Variants in IRS2 observed in about 807,000 individuals in gnomAD.
The protein encoded by IRS2 is insulin receptor substrate 2.
A neutral mutation model predicts 70.9 loss-of-function variants in IRS2; 28 were observed. The observed-to-expected ratio is 0.39, with a 90% CI of 0.29 to 0.54. The LOEUF is 0.54. Ranked by LOEUF, IRS2 falls within the 20% of genes least tolerant of loss-of-function variation. The pLI, the probability that IRS2 is intolerant of heterozygous loss-of-function variation, is 0.59. For synonymous variants in IRS2, 1,217 were observed against 981.9 expected (o/e 1.24, Z -4.48); for missense variants, 2,081 against 2,024.1 (o/e 1.03, Z -0.54).
intron 1 of IRS2, among the ~76,000 whole-genome samples, chr13:109,768,536 A>AT (rs922089525): frequency 1.6e-4 from 24 of 152,304 alleles, no homozygotes; most frequent in Admixed American, 1.3e-3. Flanking sequence ...TTTTCTGCAC[A>AT]TTTTTTCTAA....
intron 1 of IRS2, among the ~76,000 whole-genome samples, chr13:109,781,249 G>C (rs779488734): frequency 1.3e-5 from 2 of 152,124 alleles, no homozygotes; most frequent in African/African-American, 2.4e-5. Context: ...CAGCAGCATC[G>C]GCATTATGCG....
In IRS2 at chr13:109,785,730, C is replaced by G; in HGVS notation, c.324G>C (p.Lys108Asn). Residue 108 changes from lysine (K) to asparagine (N), a missense_variant, in exon 1 of 2, where the codon AAG (lysine) becomes AAC (asparagine). Coordinates refer to ENST00000375856, the MANE Select transcript of IRS2 (RefSeq NM_003749.3). This position sits in a 1 kb window ranked among gnomAD's most constrained non-coding sequence, Gnocchi z 9.3. ...CLNINKRADA[K>N]HKYLIALYTK... ...TGTAGAGGGCGATCAGGTACTTGTG[C>G]TTGGCGTCGGCGCGCTTGTTGATGT... The G allele has an allele frequency of 6.3e-7, 1 of 1,599,126 alleles. No individual in the cohort carries two copies.
rs1594389027 is a variant in IRS2 at position 109,782,301 on chromosome 13, G to A, written c.3753C>T (p.Leu1251=). The A allele has an allele frequency of 6.2e-7, 1 of 1,611,628 alleles. No homozygotes were observed. Among genetic ancestry groups the A allele is most frequent in the Non-Finnish European group, 8.5e-7 (1 of 1,179,408 alleles). ...CCCTCACGTCGATGGCGATGTAGTT[G>A]AGACCATTCTGGAAGCCGGCAGAGG... is the stretch of plus-strand genomic sequence containing the variant. The part of the protein sequence containing the change: ...RETSAGFQNG[L]NYIAIDVREE... The change falls in exon 1 of 2, where the codon CTC becomes CTT. Residue 1251 remains leucine, a synonymous_variant. Transcript: ENST00000375856.
intron 1 of IRS2, among the ~76,000 whole-genome samples, chr13:109,761,079 C>T (rs912303905): frequency 6.6e-6 from 1 of 152,216 alleles, no homozygotes; most frequent in East Asian, 1.9e-4. Flanking sequence ...TCCAATGTTA[C>T]ATTTCGATGT....
Position 109,754,401 on chromosome 13 carries a change from T to C in IRS2, c.*1903A>G, listed in dbSNP as rs1594376549. The C allele has an allele frequency of 3.3e-5, 7 of 210,126 alleles. No individual in the cohort carries two copies. The East Asian group carries it at 5.1e-4, about 15-fold the overall frequency. 13.0% of individuals were successfully genotyped at this position (210,126 alleles called of 1,614,324 possible). On this transcript the variant is annotated 3_prime_UTR_variant, in exon 2 of 2. Coordinates refer to ENST00000375856, the MANE Select transcript of IRS2 (RefSeq NM_003749.3). ...CTCTACGGATAGAGGGCGAGTTAAA[T>C]ATGCGTCAATACACTGCTTTCAGCA...
Position 109,783,250 on chromosome 13 carries a change from G to C in IRS2, c.2804C>G (p.Ala935Gly). The C allele has an allele frequency of 5.4e-6, 8 of 1,476,480 alleles. No individual in the cohort carries two copies. Among genetic ancestry groups the C allele is most frequent in the Non-Finnish European group, 7.2e-6 (8 of 1,118,542 alleles). 91.5% of individuals were successfully genotyped at this position (1,476,480 alleles called of 1,614,324 possible). A position where few individuals can be genotyped will look rare whatever the true frequency, so the allele number is the denominator to read the frequency against. Residue 935 changes from alanine (A) to glycine (G), a missense_variant, in exon 1 of 2, where the codon GCG (alanine) becomes GGG (glycine). By Grantham distance (60) the Ala-to-Gly change is moderately conservative (BLOSUM62 0). Coordinates refer to ENST00000375856, the MANE Select transcript of IRS2 (RefSeq NM_003749.3). Reference protein sequence around the residue: ...GEPGARLSPPAPPLLASAASS... With the variant: ...GEPGARLSPPGPPLLASAASS... ...GGCCGCCGACGCCAGCAGGGGAGGC[G>C]CGGGCGGCGACAGGCGGGCCCCGGG...
At position 109,785,070 on chromosome 13, in the gene IRS2, C is replaced by T. The variant is rs766950014; in HGVS notation, c.984G>A (p.Leu328=). The change falls in exon 1 of 2, where the codon CTG becomes CTA. Residue 328 remains leucine (L), a synonymous_variant. Coordinates refer to ENST00000375856, the MANE Select transcript of IRS2 (RefSeq NM_003749.3). This position sits in a 1 kb window ranked among gnomAD's most constrained non-coding sequence, Gnocchi z 9.3. ...SVPGARRHHH[L]VNLPPSQTGL... Reference sequence around the variant, plus strand: ...CCGTCTGGCTGGGGGGCAGGTTGACCAGGTGGTGGTGGCGGCGCGCGCCGG... The same window carrying T: ...CCGTCTGGCTGGGGGGCAGGTTGACTAGGTGGTGGTGGCGGCGCGCGCCGG... 13 of 1,572,594 alleles carry T rather than the reference C, an allele frequency of 8.3e-6. No individual in the cohort carries two copies. In the Admixed American group the frequency reaches 1.6e-4, roughly 20 times the overall value.
At chr13:109,761,517 C>T (rs1019475547) in intron 1 of IRS2, among the ~76,000 whole-genome samples, 1 of 148,752 alleles carries the variant, frequency 6.7e-6, no homozygotes, top group Non-Finnish European at 1.5e-5. Context: ...GTTGCAGGAG[C>T]AATTCTGAGA....
chr13:109,783,189 G>A lies in IRS2; in HGVS notation c.2865C>T (p.Ala955=), dbSNP rs1374945662. Reference sequence around the variant, plus strand: ...CCGGGGTGCCTGAGCCCAGCGACGAGGCCGGGCTGCTGGCGGACAAGAGCG... The same window carrying A: ...CCGGGGTGCCTGAGCCCAGCGACGAAGCCGGGCTGCTGGCGGACAAGAGCG... ...SSSLLSASSP[A]SSLGSGTPGT... Residue 955 remains alanine, a synonymous_variant, in exon 1 of 2, where the codon GCC becomes GCT. Transcript: ENST00000375856. The A allele has an allele frequency of 1.3e-5, 18 of 1,395,180 alleles. No individual in the cohort carries two copies. Among genetic ancestry groups the A allele is most frequent in the African/African-American group, 1.5e-5 (1 of 65,802 alleles). 86.4% of individuals were successfully genotyped at this position (1,395,180 alleles called of 1,614,324 possible). A position where few individuals can be genotyped will look rare whatever the true frequency, so the allele number is the denominator to read the frequency against.
intron 1 of IRS2, among the ~76,000 whole-genome samples, chr13:109,758,912 AAG>A (rs1877166791): frequency 1.3e-5 from 2 of 151,280 alleles, no homozygotes; most frequent in African/African-American, 4.9e-5. Context: ...AGGGGAAGGA[AAG>A]AAAAAAAAAG....
chr13:109,757,081 C>T (rs920507233), intron 1 of IRS2, among the ~76,000 whole-genome samples: 14 of 152,212 alleles, frequency 9.2e-5, no homozygotes, highest in African/African-American at 2.9e-4. Context: ...TTCCTCCCTT[C>T]CAGGATGAAG....
Position 109,782,600 on chromosome 13 carries a change from A to T in IRS2, c.3454T>A (p.Phe1152Ile). The T allele has an allele frequency of 1.3e-6, 2 of 1,578,320 alleles. No homozygotes were observed. Among genetic ancestry groups the T allele is most frequent in the Non-Finnish European group, 8.6e-7 (1 of 1,163,374 alleles). ...GGRRRHSSETFSSTTTVTPVS... is the reference protein window; with the variant it reads ...GGRRRHSSETISSTTTVTPVS... Reference sequence around the variant, plus strand: ...GGGGTGACCGTCGTGGTGGAGGAGAAGGTCTCGGAACTGTGGCGGCGGCGG... The same window carrying T: ...GGGGTGACCGTCGTGGTGGAGGAGATGGTCTCGGAACTGTGGCGGCGGCGG... Residue 1152 changes from phenylalanine (F) to isoleucine (I), a missense_variant, in exon 1 of 2, where the codon TTC becomes ATC. This residue lies in a region of IRS2 where 1,615 missense variants were observed against 1,459.5 expected (regional missense o/e 1.11). Coordinates refer to ENST00000375856, the MANE Select transcript of IRS2 (RefSeq NM_003749.3).
intron 1 of IRS2, among the ~76,000 whole-genome samples, chr13:109,778,026 A>T (rs1023237805): frequency 1.3e-5 from 2 of 152,220 alleles, no homozygotes; most frequent in Non-Finnish European, 2.9e-5. Context: ...TCAATTTAAG[A>T]GCACCCATTT....
rs375162215 is a variant in IRS2, at chr13:109,785,157, C to G, written c.897G>C (p.Glu299Asp). 2.0e-4 allele frequency: 322 copies of G among 1,599,546 alleles called. No homozygotes were observed. The highest frequency in any genetic ancestry group is 2.7e-4 in the Non-Finnish European group (314 of 1,174,022). Reference sequence around the variant, plus strand: ...ATTGGCTCTTACTGCGCGGCCGGAACTCGAAGAGCTCCTTGAGCGCCTTCA... The same window carrying G: ...ATTGGCTCTTACTGCGCGGCCGGAAGTCGAAGAGCTCCTTGAGCGCCTTCA... ...EAMKALKELF[E>D]FRPRSKSQSS... The change falls in exon 1 of 2, where the codon GAG (glutamate) becomes GAC (aspartate). Residue 299 changes from glutamate to aspartate, a missense_variant. Transcript: ENST00000375856. This position sits in a 1 kb window ranked among gnomAD's most constrained non-coding sequence, Gnocchi z 9.3.
intron 1 of IRS2, among the ~76,000 whole-genome samples, chr13:109,759,007 A>AAAGGAC (rs1169692319): frequency 6.6e-6 from 1 of 152,154 alleles, no homozygotes; most frequent in Non-Finnish European, 1.5e-5. Flanking sequence ...TGGCACACTC[A>AAAGGAC]AAGGACACAA....
At chr13:109,768,369 C>T (rs1224201069) in intron 1 of IRS2, among the ~76,000 whole-genome samples, 5 of 152,220 alleles carry the variant, frequency 3.3e-5, no homozygotes, top group African/African-American at 4.8e-5. Context: ...ATGCACTTTC[C>T]TCACCAGCAG....
At position 109,783,127 on chromosome 13, in the gene IRS2, G is replaced by A. The variant is rs759366944; in HGVS notation, c.2927C>T (p.Ser976Phe). The change falls in exon 1 of 2, where the codon TCC (serine) becomes TTC (phenylalanine). Residue 976 changes from serine (S) to phenylalanine (F), a missense_variant. Transcript: ENST00000375856. ...SSDSRQRSPLSDYMNLDFSSP... is the reference protein window; with the variant it reads ...SSDSRQRSPLFDYMNLDFSSP... ...GCTGAAGTCGAGGTTCATGTAGTCG[G>A]AGAGCGGAGACCGCTGCCGGCTGTC... is the stretch of plus-strand genomic sequence containing the variant. 2 of 1,387,904 alleles carry A rather than the reference G, an allele frequency of 1.4e-6. No homozygotes were observed. The highest frequency in any genetic ancestry group is 1.9e-6 in the Non-Finnish European group (2 of 1,077,880). 86.0% of individuals were successfully genotyped at this position (1,387,904 alleles called of 1,614,324 possible). A position where few individuals can be genotyped will look rare whatever the true frequency, so the allele number is the denominator to read the frequency against.
At chr13:109,772,574 G>T (rs909139219) in intron 1 of IRS2, among the ~76,000 whole-genome samples, 2 of 151,866 alleles carry the variant, frequency 1.3e-5, no homozygotes, top group African/African-American at 2.4e-5. Context: ...CTCACCGTTG[G>T]GGGTGCTGGC....
At chr13:109,768,810 G>T (rs1262324255) in intron 1 of IRS2, among the ~76,000 whole-genome samples, 5 of 152,114 alleles carry the variant, frequency 3.3e-5, no homozygotes, top group Non-Finnish European at 7.4e-5. Context: ...TACAGACTGG[G>T]AAAGTTTCTC....
Sources: gnomAD v4.1 joint callset for allele counts (sites outside exome capture counted in the v4.1 genomes callset) on GRCh38, gnomAD v4.1.1 for gene constraint, gnomAD v4.1.1 regional missense constraint, Gnocchi (gnomAD v3.1) non-coding constraint, MANE v1.5 for transcripts, NCBI Gene and HGNC (gene_info 2026-07-23, HGNC 2026-07-21) for gene names.